EIF3J: variants seen among roughly 807,000 people sequenced by gnomAD.
EIF3J encodes eukaryotic translation initiation factor 3, subunit 1 (alpha, 35kD).
A neutral mutation model predicts 39.0 loss-of-function variants in EIF3J; 15 were observed. The observed-to-expected ratio is 0.38, with a 90% CI of 0.26 to 0.59. The LOEUF (loss-of-function observed/expected upper bound fraction) is 0.59. EIF3J is among the 20% of genes least tolerant of loss of function. The pLI is 0.60. For synonymous variants in EIF3J, 98 were observed against 112.9 expected (o/e 0.87, Z 0.84); for missense variants, 226 against 308.6 (o/e 0.73, Z 2.00).
At chr15:44,560,116 A>G in intron 6 of EIF3J, 133 bp from the exon 7 acceptor site, 1 of 702,586 alleles carries the variant, frequency 1.4e-6, no homozygotes, top group African/African-American at 1.8e-5. Flanking sequence ...CAATGAACAA[A>G]TTGGATTTCT....
intron 2 of EIF3J, 21 bp downstream of exon 2, chr15:44,537,448 C>T (rs763677310): frequency 2.6e-6 from 4 of 1,512,256 alleles, no homozygotes; most frequent in Admixed American, 2.2e-5. Flanking sequence ...GCTAGGGCGC[C>T]GGGCAGCGCG....
intron 4 of EIF3J, 29 bp from the exon 5 acceptor site, chr15:44,554,524 G>A (rs746736570): frequency 1.0e-5 from 15 of 1,474,046 alleles, no homozygotes; most frequent in Non-Finnish European, 1.3e-5. Flanking sequence ...TAATCCCTGT[G>A]CTTTTTAAAA....
chr15:44,544,380 G>C (rs1227338819), intron 2 of EIF3J, among the ~76,000 whole-genome samples: 1 of 150,688 alleles, frequency 6.6e-6, no homozygotes. Flanking sequence ...TTACAGGCGT[G>C]AGCCAACTCA....
intron 4 of EIF3J, among the ~76,000 whole-genome samples, 167 bp from the exon 5 acceptor site, chr15:44,554,386 A>AAAC (rs1567119123): frequency 6.6e-6 from 1 of 151,656 alleles, no homozygotes; most frequent in African/African-American, 2.4e-5. Flanking sequence ...AAAAAAAAAA[A>AAAC]AAAAAAAAAA....
At chr15:44,550,840 C>A in intron 2 of EIF3J, 36 bp from the exon 3 acceptor site, 2 of 1,427,702 alleles carry the variant, frequency 1.4e-6, no homozygotes, top group African/African-American at 1.4e-5. Context: ...GAAAAGCAAA[C>A]ATGCAAGAAT....
rs1355641895 is a variant in EIF3J at position 44,562,158 on chromosome 15, A to G, written c.*1009A>G. The G allele has an allele frequency of 1.3e-5, 2 of 152,590 alleles. No individual in the cohort carries two copies. The highest frequency in any genetic ancestry group is 2.4e-5 in the African/African-American group (1 of 41,428). 9.5% of individuals were successfully genotyped at this position (152,590 alleles called of 1,614,324 possible). On this transcript the variant is annotated 3_prime_UTR_variant, in exon 8 of 8. Coordinates refer to ENST00000261868, the MANE Select transcript of EIF3J (RefSeq NM_003758.4). Reference sequence around the variant, plus strand: ...ACAGCTCTTGGGAGTACAGTTCTCTACGTTCTCTACTAAATCTTAATAAAT... The same window carrying G: ...ACAGCTCTTGGGAGTACAGTTCTCTGCGTTCTCTACTAAATCTTAATAAAT...
At chr15:44,560,220 G>A (rs746963863) in intron 6 of EIF3J, 29 bp from the exon 7 acceptor site, 2 of 1,585,320 alleles carry the variant, frequency 1.3e-6, no homozygotes, top group Non-Finnish European at 1.7e-6. Flanking sequence ...AAAAATTCAA[G>A]TTTAATGGTA....
At chr15:44,542,926 T>G (rs1176834067) in intron 2 of EIF3J, among the ~76,000 whole-genome samples, 1 of 152,242 alleles carries the variant, frequency 6.6e-6, no homozygotes, top group Non-Finnish European at 1.5e-5. Flanking sequence ...AGGTAGTCTC[T>G]TGAACCAAAT....
At chr15:44,543,114 T>C (rs901412132) in intron 2 of EIF3J, among the ~76,000 whole-genome samples, 2 of 152,360 alleles carry the variant, frequency 1.3e-5, no homozygotes, top group East Asian at 1.9e-4. Flanking sequence ...GTGAACATTC[T>C]ACCTTAAATC....
At chr15:44,556,119 G>A (rs2082142460) in intron 5 of EIF3J, among the ~76,000 whole-genome samples, 1 of 152,130 alleles carries the variant, frequency 6.6e-6, no homozygotes, top group Admixed American at 6.6e-5. Context: ...TGCCGCCTTG[G>A]CCTCCTAAAG....
intron 2 of EIF3J, among the ~76,000 whole-genome samples, chr15:44,545,305 C>T (rs2082044654): frequency 6.6e-6 from 1 of 152,078 alleles, no homozygotes; most frequent in Non-Finnish European, 1.5e-5. Flanking sequence ...ATTTTGTAAG[C>T]AAGTGTTTAA....
At chr15:44,554,377 A>G (rs1449967789) in intron 4 of EIF3J, among the ~76,000 whole-genome samples, 176 bp from the exon 5 acceptor site, 5 of 144,746 alleles carry the variant, frequency 3.5e-5, no homozygotes, top group Non-Finnish European at 6.0e-5. Flanking sequence ...GCTCTGTCTA[A>G]AAAAAAAAAA....
At chr15:44,543,073 A>G (rs1232949866) in intron 2 of EIF3J, among the ~76,000 whole-genome samples, 1 of 152,232 alleles carries the variant, frequency 6.6e-6, no homozygotes, top group Non-Finnish European at 1.5e-5. Flanking sequence ...AATGTTTACA[A>G]AAAATTGGGC....
At chr15:44,547,953 A>G (rs1387206640) in intron 2 of EIF3J, among the ~76,000 whole-genome samples, 6 of 152,186 alleles carry the variant, frequency 3.9e-5, no homozygotes, top group Non-Finnish European at 7.3e-5. Context: ...TATTGATTTC[A>G]GCTAGGTTGT....
Position 44,551,048 on chromosome 15 carries a change from G to A in EIF3J, c.202+118G>A, listed in dbSNP as rs10152710. ...GAACATTTTGGTATTTAGAAACCAA[G>A]TGTCCTTCCATTCCCACTTTATTCT... On this transcript the variant is annotated intron_variant, in intron 3 of 7. Coordinates refer to ENST00000261868, the MANE Select transcript of EIF3J (RefSeq NM_003758.4). 52 of 1,422,982 alleles carry A rather than the reference G, an allele frequency of 3.7e-5. 1 individual carries two copies. In the East Asian group the frequency reaches 1.1e-3, roughly 31 times the overall value. 88.1% of individuals were successfully genotyped at this position (1,422,982 alleles called of 1,614,324 possible).
At chr15:44,552,068 G>A (rs942558455) in intron 4 of EIF3J, among the ~76,000 whole-genome samples, 3 of 151,794 alleles carry the variant, frequency 2.0e-5, no homozygotes, top group Admixed American at 6.6e-5. Context: ...TGATCCACCC[G>A]CCTCGGCCTC....
At chr15:44,559,842 T>C (rs1376317626) in intron 6 of EIF3J, among the ~76,000 whole-genome samples, 1 of 152,150 alleles carries the variant, frequency 6.6e-6, no homozygotes, top group African/African-American at 2.4e-5. Flanking sequence ...GTAGGGAGCA[T>C]TGTGAGCTAT....
Position 44,537,231 on chromosome 15 carries a change from T to A in EIF3J, c.37T>A (p.Ser13Thr). Residue 13 changes from serine to threonine, a missense_variant, in exon 1 of 8, where the codon TCC becomes ACC. Around this residue, in one of 2 missense-constraint regions of EIF3J, gnomAD observed 143 missense variants for 156.0 expected, o/e 0.92. Coordinates refer to ENST00000261868, the MANE Select transcript of EIF3J (RefSeq NM_003758.4). The part of the protein sequence containing the change: ...AAAAAAGDSD[S>T]WDADAFSVED... Reference sequence around the variant, plus strand: ...GGCGGCGGCGGCGGGGGACTCGGACTCCTGGGGTGAGGAGAAGTTGCTGGG... The same window carrying A: ...GGCGGCGGCGGCGGGGGACTCGGACACCTGGGGTGAGGAGAAGTTGCTGGG... The A allele has an allele frequency of 6.3e-7, 1 of 1,593,506 alleles. No homozygotes were observed. The highest frequency in any genetic ancestry group is 1.3e-5 in the African/African-American group (1 of 74,142).
intron 4 of EIF3J, among the ~76,000 whole-genome samples, chr15:44,553,572 A>G (rs1460776684): frequency 1.3e-5 from 2 of 152,064 alleles, no homozygotes; most frequent in African/African-American, 4.8e-5. Flanking sequence ...GTCATGTCAG[A>G]GAAGTGGGTT....
Sources: allele counts gnomAD v4.1 joint callset (sites outside exome capture counted in the v4.1 genomes callset), GRCh38; gene constraint gnomAD v4.1.1; regional missense constraint gnomAD v4.1.1; transcripts MANE v1.5; gene names NCBI Gene and HGNC (gene_info 2026-07-23, HGNC 2026-07-21).